The following CDH12 variants were observed in gnomAD, a reference collection of about 807,000 sequenced individuals.
CDH12 encodes the protein cadherin 12, also known as cadherin-12.
A neutral mutation model predicts 74.1 loss-of-function variants in CDH12; 41 were observed. The observed-to-expected ratio is 0.55, with a 90% CI of 0.43 to 0.72. The LOEUF (loss-of-function observed/expected upper bound fraction) is 0.72, where lower values mean the gene tolerates loss of function less well. Ranked by LOEUF, CDH12 falls within the 30% of genes least tolerant of loss-of-function variation. The probability of loss-of-function intolerance (pLI) is 0.00; values close to 1 mark genes in which losing one functional copy is unlikely to be tolerated. For synonymous variants in CDH12, 399 were observed against 355.0 expected, an observed-to-expected ratio of 1.12 and a Z score of -1.39; for missense variants, 945 against 977.2, an observed-to-expected ratio of 0.97 and a Z score of 0.44.
chr5:22,755,077 C>T (rs1745820045), intron 1 of CDH12, among the ~76,000 whole-genome samples: 1 of 152,144 alleles, frequency 6.6e-6, no homozygotes, highest in Non-Finnish European at 1.5e-5. Context: ...ATCTATGGAT[C>T]TTACATAAGG....
At chr5:22,260,470 A>G (rs1753466655) in intron 3 of CDH12, among the ~76,000 whole-genome samples, 1 of 152,082 alleles carries the variant, frequency 6.6e-6, no homozygotes, top group Admixed American at 6.6e-5. Context: ...AATTTTTTCT[A>G]CAATCCACAG....
At chr5:22,765,550 G>A (rs1360946791) in intron 1 of CDH12, among the ~76,000 whole-genome samples, 1 of 151,906 alleles carries the variant, frequency 6.6e-6, no homozygotes, top group African/African-American at 2.4e-5. Context: ...TTTTAATAAA[G>A]TATAGAAGAA....
intron 3 of CDH12, among the ~76,000 whole-genome samples, chr5:22,246,080 A>C (rs1437907451): frequency 7.2e-5 from 11 of 152,076 alleles, no homozygotes; most frequent in Admixed American, 7.2e-4. Flanking sequence ...ATTCTACACT[A>C]ACCATTTAGA....
intron 1 of CDH12, among the ~76,000 whole-genome samples, chr5:22,738,322 G>C (rs1273726488): frequency 1.3e-5 from 2 of 151,988 alleles, no homozygotes; most frequent in Non-Finnish European, 2.9e-5. Context: ...GTTGTTTCCT[G>C]TGGTCAGAGA....
At chr5:22,804,077 G>A (rs896882348) in intron 1 of CDH12, among the ~76,000 whole-genome samples, 7 of 151,884 alleles carry the variant, frequency 4.6e-5, no homozygotes, top group African/African-American at 1.4e-4. Context: ...TTAAAGAATA[G>A]AAATATTAAA....
At chr5:21,780,913 T>C (rs895412234) in intron 11 of CDH12, among the ~76,000 whole-genome samples, 2 of 152,080 alleles carry the variant, frequency 1.3e-5, no homozygotes, top group Non-Finnish European at 2.9e-5. Flanking sequence ...TAATAGAATG[T>C]GGTATGGGAG....
intron 1 of CDH12, among the ~76,000 whole-genome samples, chr5:22,691,002 C>G (rs1301392297): frequency 6.6e-6 from 1 of 152,120 alleles, no homozygotes; most frequent in Non-Finnish European, 1.5e-5. Flanking sequence ...GTTTTATTTC[C>G]TTTTAGCTAG....
rs571409908 is a variant in CDH12 at position 22,221,853 on chromosome 5, A to G, written c.-332-9210T>C. 1.1e-4 allele frequency among the ~76,000 whole-genome samples: 16 copies of G among 152,104 alleles called. No homozygotes were observed. The East Asian group carries it at 2.7e-3, about 26-fold the overall frequency. Reference sequence around the variant, plus strand: ...GGATAAAAATGTAAATTTGTTGTATATAATTCAAAATTCTCCTTGATCTGC... The same window carrying G: ...GGATAAAAATGTAAATTTGTTGTATGTAATTCAAAATTCTCCTTGATCTGC... On this transcript the variant is annotated intron_variant, in intron 3 of 14. Coordinates refer to ENST00000382254, the MANE Select transcript of CDH12 (RefSeq NM_004061.5).
At chr5:22,701,375 T>C (rs534309819) in intron 1 of CDH12, among the ~76,000 whole-genome samples, 3 of 152,170 alleles carry the variant, frequency 2.0e-5, no homozygotes, top group Non-Finnish European at 2.9e-5. Context: ...CAACCTTTAC[T>C]GTAAACACCA....
At chr5:22,464,886 CA>C (rs1351527983) in intron 2 of CDH12, among the ~76,000 whole-genome samples, 1 of 151,886 alleles carries the variant, frequency 6.6e-6, no homozygotes. Flanking sequence ...CCTGTAATCC[CA>C]GCTACTTTGG....
At position 22,518,601 on chromosome 5, in the gene CDH12, T is replaced by C. The variant is rs117237557; in HGVS notation, c.-522-13237A>G. Among the ~76,000 whole-genome samples the C allele has an allele frequency of 3.3e-4, 50 of 152,316 alleles. No homozygotes were observed. The East Asian group carries it at 5.6e-3, about 17-fold the overall frequency. ...GTTTCAAGTGTTATGACATAAATGTTGAAAGACATCTTTCAACCATGCCTT... is the reference window on the plus strand; with the variant it reads ...GTTTCAAGTGTTATGACATAAATGTCGAAAGACATCTTTCAACCATGCCTT... On this transcript the variant is annotated intron_variant, in intron 1 of 14. Coordinates refer to ENST00000382254, the MANE Select transcript of CDH12 (RefSeq NM_004061.5).
At chr5:22,613,453 A>G (rs1033848660) in intron 1 of CDH12, among the ~76,000 whole-genome samples, 5 of 152,092 alleles carry the variant, frequency 3.3e-5, no homozygotes, top group Non-Finnish European at 5.9e-5. Flanking sequence ...TTTCGGAGCT[A>G]CATTGAAAGT....
chr5:22,311,464 G>A (rs547349831), intron 3 of CDH12, among the ~76,000 whole-genome samples: 24 of 152,044 alleles, frequency 1.6e-4, no homozygotes, highest in South Asian at 1.2e-3. Context: ...CACCACTTTC[G>A]GAGGCCTAGG....
In CDH12 at chr5:22,191,932, T is replaced by C. The variant is rs527331703; in HGVS notation, c.-187+20566A>G. Among the ~76,000 whole-genome samples the C allele has an allele frequency of 3.3e-4, 24 of 72,908 alleles. No individual in the cohort carries two copies. In the East Asian group the frequency reaches 5.3e-3, roughly 16 times the overall value. 47.8% of individuals were successfully genotyped at this position (72,908 alleles called of 152,430 possible). A position where few individuals can be genotyped will look rare whatever the true frequency, so the allele number is the denominator to read the frequency against. ...ATGTATGCCAAAATTAATACTCATGTTTTTTGTTTGTCTGTTTGTTTGAGA... is the reference window on the plus strand; with the variant it reads ...ATGTATGCCAAAATTAATACTCATGCTTTTTGTTTGTCTGTTTGTTTGAGA... On this transcript the variant is annotated intron_variant, in intron 4 of 14. Coordinates refer to ENST00000382254, the MANE Select transcript of CDH12 (RefSeq NM_004061.5).
chr5:22,120,608 A>T (rs150486280), intron 4 of CDH12, among the ~76,000 whole-genome samples: 1 of 152,168 alleles, frequency 6.6e-6, no homozygotes, highest in South Asian at 2.1e-4. Flanking sequence ...ATGTGAACAT[A>T]TTTATGCAAA....
chr5:22,440,466 CG>C (rs1744581329), intron 2 of CDH12, among the ~76,000 whole-genome samples: 1 of 152,048 alleles, frequency 6.6e-6, no homozygotes, highest in African/African-American at 2.4e-5. Flanking sequence ...TAGTTGCTTA[CG>C]GTTGCCATGA....
intron 1 of CDH12, among the ~76,000 whole-genome samples, chr5:22,689,677 G>A (rs192134523): frequency 6.6e-6 from 1 of 152,084 alleles, no homozygotes; most frequent in Admixed American, 6.5e-5. Flanking sequence ...AAGCTAGACA[G>A]GTTTGTGTCA....
chr5:22,228,507 C>A (rs1752271684), intron 3 of CDH12, among the ~76,000 whole-genome samples: 2 of 151,936 alleles, frequency 1.3e-5, no homozygotes, highest in African/African-American at 4.8e-5. Context: ...AAATGTTTTC[C>A]TTTTCAGTTC....
intron 3 of CDH12, among the ~76,000 whole-genome samples, chr5:22,222,382 C>T (rs1218756440): frequency 6.6e-6 from 1 of 151,884 alleles, no homozygotes; most frequent in African/African-American, 2.4e-5. Context: ...TCTCTAAAGA[C>T]CACGAATTAG....
Sources: allele counts gnomAD v4.1 joint callset (sites outside exome capture counted in the v4.1 genomes callset), GRCh38; gene constraint gnomAD v4.1.1; transcripts MANE v1.5; gene names NCBI Gene and HGNC (gene_info 2026-07-23, HGNC 2026-07-21).